Variants in ATXN1 observed in about 807,000 individuals in gnomAD.
ATXN1 encodes ataxin 1.
In ATXN1, 8 loss-of-function variants were observed where a neutral mutation model predicts 56.4. The observed-to-expected ratio is 0.14, with a 90% CI of 0.08 to 0.26. The LOEUF is 0.26. Ranked by LOEUF, ATXN1 falls within the 10% of genes least tolerant of loss-of-function variation. ATXN1 has a pLI of 1.00. For synonymous variants in ATXN1, 514 were observed against 494.6 expected (o/e 1.04, Z -0.52); for missense variants, 987 against 1,106.5 (o/e 0.89, Z 1.53).
At chr6:16,556,881 G>C (rs1388328952) in intron 4 of ATXN1, among the ~76,000 whole-genome samples, 63 of 152,244 alleles carry the variant, frequency 4.1e-4, no homozygotes, top group Non-Finnish European at 5.9e-5. Flanking sequence ...TTATTAATTA[G>C]AGAATTCTGT....
chr6:16,521,516 C>T (rs939842147), intron 5 of ATXN1, among the ~76,000 whole-genome samples: 12 of 152,204 alleles, frequency 7.9e-5, no homozygotes, highest in Non-Finnish European at 7.3e-5. Context: ...CGAGATCGTG[C>T]CACTGCACTC....
chr6:16,597,052 T>C (rs1002460869), intron 3 of ATXN1, among the ~76,000 whole-genome samples: 1 of 152,224 alleles, frequency 6.6e-6, no homozygotes, highest in African/African-American at 2.4e-5. Flanking sequence ...TCCTGCTCCA[T>C]CTGCATCATG....
Position 16,328,508 on chromosome 6 carries a change from A to C in ATXN1, c.-160-38T>G. 1.0e-6 allele frequency: 1 copy of C among 1,002,394 alleles called. No homozygotes were observed. Among genetic ancestry groups the C allele is most frequent in the Non-Finnish European group, 1.3e-6 (1 of 759,716 alleles). 62.1% of individuals were successfully genotyped at this position (1,002,394 alleles called of 1,614,324 possible). A position where few individuals can be genotyped will look rare whatever the true frequency, so the allele number is the denominator to read the frequency against. On this transcript the variant is annotated intron_variant, in intron 6 of 7. Coordinates refer to ENST00000436367, the MANE Select transcript of ATXN1 (RefSeq NM_001128164.2). The surrounding 1 kb of genome is among the most constrained non-coding windows in gnomAD (Gnocchi z 6.2). ...AGAGGGCAGTGACAAAGGGAAAAGG[A>C]AAGGGAGGAGAAAGGGAAGGAGGGA...
At chr6:16,384,120 C>T (rs534825603) in intron 6 of ATXN1, among the ~76,000 whole-genome samples, 4 of 152,322 alleles carry the variant, frequency 2.6e-5, no homozygotes, top group Admixed American at 2.6e-4. Context: ...TTTGATACCA[C>T]AGTTTGGATG....
intron 3 of ATXN1, among the ~76,000 whole-genome samples, chr6:16,618,194 A>C (rs148642284): frequency 0.042 from 6,458 of 152,268 alleles, 141 homozygotes; most frequent in South Asian, 0.074. Context: ...GTTCTCACTC[A>C]TAAGTGGGAG....
chr6:16,573,594 T>C (rs1274862428), intron 4 of ATXN1, among the ~76,000 whole-genome samples: 2 of 152,180 alleles, frequency 1.3e-5, no homozygotes, highest in Non-Finnish European at 2.9e-5. Context: ...AACTGGGAAC[T>C]CTGTGTCACC....
intron 2 of ATXN1, among the ~76,000 whole-genome samples, chr6:16,720,834 G>A (rs1759731723): frequency 6.6e-6 from 1 of 152,108 alleles, no homozygotes; most frequent in African/African-American, 2.4e-5. Flanking sequence ...ATATCCACAG[G>A]GCTGCTATGA....
chr6:16,319,388 AC>A (rs2113395153), intron 7 of ATXN1, among the ~76,000 whole-genome samples: 1 of 152,342 alleles, frequency 6.6e-6, no homozygotes, highest in Admixed American at 6.5e-5. Context: ...GCATTCTGGA[AC>A]AGGCAAAACT....
chr6:16,363,393 GCT>G (rs1761854565), intron 6 of ATXN1, among the ~76,000 whole-genome samples: 1 of 152,190 alleles, frequency 6.6e-6, no homozygotes, highest in Non-Finnish European at 1.5e-5. Context: ...CAGAATATTT[GCT>G]GACCAGGTTG....
chr6:16,535,886 G>A (rs1387436811), intron 4 of ATXN1, among the ~76,000 whole-genome samples: 4 of 152,170 alleles, frequency 2.6e-5, no homozygotes, highest in African/African-American at 9.7e-5. Flanking sequence ...AAGGAGTACA[G>A]ACTAATCATT....
chr6:16,631,347 T>C (rs1007476827), intron 3 of ATXN1, among the ~76,000 whole-genome samples: 1 of 152,110 alleles, frequency 6.6e-6, no homozygotes, highest in East Asian at 1.9e-4. Context: ...TAGAAATGGG[T>C]CTAGAAAGAT....
chr6:16,502,316 A>G (rs1009980430), intron 5 of ATXN1, among the ~76,000 whole-genome samples: 1 of 152,224 alleles, frequency 6.6e-6, no homozygotes, highest in Non-Finnish European at 1.5e-5. Context: ...ATTGGTTCTT[A>G]TGAAAGTGCT....
intron 6 of ATXN1, among the ~76,000 whole-genome samples, chr6:16,375,266 T>C (rs941744525): frequency 6.6e-6 from 1 of 152,248 alleles, no homozygotes; most frequent in African/African-American, 2.4e-5. Context: ...CAAGCTTAAC[T>C]TCACTGATTT....
chr6:16,431,931 C>A (rs1406490427), intron 6 of ATXN1, among the ~76,000 whole-genome samples: 2 of 152,118 alleles, frequency 1.3e-5, no homozygotes, highest in African/African-American at 4.8e-5. Flanking sequence ...GATGAGAGAT[C>A]GCGGGGGAGC....
intron 2 of ATXN1, among the ~76,000 whole-genome samples, chr6:16,701,866 T>C (rs1003351767): frequency 2.0e-5 from 3 of 152,164 alleles, no homozygotes; most frequent in Non-Finnish European, 4.4e-5. Flanking sequence ...CATTCCATGC[T>C]CATGGAAAGG....
At chr6:16,470,673 C>T (rs897971013) in intron 6 of ATXN1, among the ~76,000 whole-genome samples, 1 of 152,032 alleles carries the variant, frequency 6.6e-6, no homozygotes, top group African/African-American at 2.4e-5. Context: ...TGAAAAATGA[C>T]ACCCAAAAGA....
At chr6:16,628,306 C>T (rs541563581) in intron 3 of ATXN1, among the ~76,000 whole-genome samples, 2 of 152,314 alleles carry the variant, frequency 1.3e-5, no homozygotes, top group South Asian at 4.1e-4. Context: ...GTGCCCGTCC[C>T]TAAAATCCAT....
intron 6 of ATXN1, among the ~76,000 whole-genome samples, chr6:16,436,853 T>A (rs1313652846): frequency 6.6e-6 from 1 of 152,198 alleles, no homozygotes; most frequent in East Asian, 1.9e-4. Flanking sequence ...CAGTTCATGC[T>A]GGCTGTTGCA....
chr6:16,481,067 T>C (rs1029325236), intron 6 of ATXN1, among the ~76,000 whole-genome samples: 6 of 151,998 alleles, frequency 3.9e-5, no homozygotes, highest in Non-Finnish European at 8.8e-5. Context: ...GAGAGAGAAA[T>C]GGGTGAAAGA....
Sources: allele counts gnomAD v4.1 joint callset (sites outside exome capture counted in the v4.1 genomes callset), GRCh38; gene constraint gnomAD v4.1.1; non-coding constraint Gnocchi (gnomAD v3.1); transcripts MANE v1.5; gene names NCBI Gene and HGNC (gene_info 2026-07-23, HGNC 2026-07-21).